The following GRIN2A variants were observed in gnomAD, a reference collection of about 807,000 sequenced individuals.
The protein encoded by GRIN2A is glutamate ionotropic receptor NMDA type subunit 2A.
GRIN2A carries 22 observed loss-of-function variants against 113.4 expected under a neutral mutation model. The observed-to-expected ratio is 0.19, with a 90% CI of 0.14 to 0.28. The LOEUF (loss-of-function observed/expected upper bound fraction) is 0.28. Ranked by LOEUF, GRIN2A falls within the 10% of genes least tolerant of loss-of-function variation. The pLI is 1.00. For missense variants in GRIN2A, 1,502 were observed against 1,887.0 expected, an observed-to-expected ratio of 0.80 and a Z score of 3.78; for synonymous variants, 827 against 738.4, an observed-to-expected ratio of 1.12 and a Z score of -1.94.
At chr16:9,850,336 A>G (rs1449306555) in intron 4 of GRIN2A, among the ~76,000 whole-genome samples, 6 of 152,096 alleles carry the variant, frequency 3.9e-5, no homozygotes, top group Non-Finnish European at 5.9e-5. Context: ...CCACTGTACC[A>G]CTTACTAGCT....
Position 9,762,755 on chromosome 16 carries a change from T to G in GRIN2A, c.*394A>C. On this transcript the variant is annotated 3_prime_UTR_variant, in exon 13 of 13. Transcript: ENST00000330684. ...GCTTATTCTGTATTAGAGAAACCAT[T>G]AGGCATTTCTGATGAGAAAATTACA... 1 of 387,948 alleles carries G rather than the reference T, an allele frequency of 2.6e-6. No individual in the cohort carries two copies. The highest frequency in any genetic ancestry group is 4.7e-6 in the Non-Finnish European group (1 of 211,434). 24.0% of individuals were successfully genotyped at this position (387,948 alleles called of 1,614,324 possible).
In GRIN2A at chr16:10,007,747, G is replaced by A. The variant is rs1275609131; in HGVS notation, c.415-69196C>T. Among the ~76,000 whole-genome samples, 3 of 152,120 alleles carry A rather than the reference G, an allele frequency of 2.0e-5. No homozygotes were observed. In the East Asian group the frequency reaches 5.8e-4, roughly 29 times the overall value. ...GGAAATAGAAAAGCAAATGGCCTTT[G>A]ACAGGAATGAACACATAGATGTAAG... On this transcript the variant is annotated intron_variant, in intron 2 of 12. Transcript: ENST00000330684.
intron 1 of GRIN2A, among the ~76,000 whole-genome samples, chr16:10,181,164 C>T (rs1567355632): frequency 8.8e-4 from 1 of 1,130 alleles, no homozygotes; most frequent in East Asian, 0.071. Context: ...CGTGGAGAGT[C>T]CTTCACCCCT....
intron 2 of GRIN2A, among the ~76,000 whole-genome samples, chr16:9,960,562 A>G (rs996125961): frequency 6.6e-6 from 1 of 152,214 alleles, no homozygotes; most frequent in African/African-American, 2.4e-5. Flanking sequence ...CAACCAGACT[A>G]TCTTTTATTA....
chr16:9,917,513 C>A (rs931496066), intron 3 of GRIN2A, among the ~76,000 whole-genome samples: 6 of 152,234 alleles, frequency 3.9e-5, no homozygotes, highest in Admixed American at 6.5e-5. Flanking sequence ...ATATCGCCTA[C>A]CTCACAGCTA....
chr16:10,055,233 T>G lies in GRIN2A; in HGVS notation c.415-116682A>C, dbSNP rs1395109506. On this transcript the variant is annotated intron_variant, in intron 2 of 12. Coordinates refer to ENST00000330684, the MANE Select transcript of GRIN2A (RefSeq NM_001134407.3). ...AAAAACACATTTATCAGCTTTAGGTTAGTGGTTTCCTCTGAGGAAGGAGAT... is the reference window on the plus strand; with the variant it reads ...AAAAACACATTTATCAGCTTTAGGTGAGTGGTTTCCTCTGAGGAAGGAGAT... Among the ~76,000 whole-genome samples the G allele has an allele frequency of 2.6e-5, 4 of 151,882 alleles. 1 individual carries two copies. In the East Asian group the frequency reaches 7.7e-4, roughly 29 times the overall value.
chr16:10,094,455 T>C (rs977958633), intron 2 of GRIN2A, among the ~76,000 whole-genome samples: 1 of 115,152 alleles, frequency 8.7e-6, no homozygotes, highest in African/African-American at 5.0e-5. Context: ...AAGAAAACAG[T>C]TTTTTTTTTT....
intron 2 of GRIN2A, among the ~76,000 whole-genome samples, chr16:9,983,726 A>T (rs1205395137): frequency 2.0e-5 from 3 of 152,196 alleles, no homozygotes; most frequent in African/African-American, 7.2e-5. Flanking sequence ...GGTGTGAGCC[A>T]CCGCGCCCAG....
intron 3 of GRIN2A, among the ~76,000 whole-genome samples, chr16:9,929,058 C>T (rs1441436158): frequency 6.6e-6 from 1 of 152,208 alleles, no homozygotes; most frequent in Non-Finnish European, 1.5e-5. Flanking sequence ...TACAGCGTAA[C>T]TCTTTCTCTC....
chr16:10,144,533 A>G (rs913960030), intron 2 of GRIN2A, among the ~76,000 whole-genome samples: 5 of 152,330 alleles, frequency 3.3e-5, no homozygotes, highest in African/African-American at 1.2e-4. Context: ...CTACTGAGTC[A>G]TAGGAATTTC....
intron 3 of GRIN2A, among the ~76,000 whole-genome samples, chr16:9,900,068 C>A (rs1248205660): frequency 6.6e-6 from 1 of 152,222 alleles, no homozygotes; most frequent in Non-Finnish European, 1.5e-5. Context: ...TAAAGGCCAG[C>A]AGAGTGCTTG....
At chr16:10,011,977 C>T (rs1024203968) in intron 2 of GRIN2A, among the ~76,000 whole-genome samples, 2 of 152,132 alleles carry the variant, frequency 1.3e-5, no homozygotes, top group Admixed American at 6.5e-5. Flanking sequence ...AAGAGGTCCT[C>T]AAAACTAATG....
At chr16:9,859,609 TACACACACACACAC>T (rs55697606) in intron 4 of GRIN2A, among the ~76,000 whole-genome samples, 10 of 141,142 alleles carry the variant, frequency 7.1e-5, no homozygotes, top group African/African-American at 1.6e-4. Context: ...CTCGAACCTC[TACACACACACACAC>T]ACACACACAC....
At chr16:9,831,673 G>A (rs952358838) in intron 8 of GRIN2A, among the ~76,000 whole-genome samples, 5 of 151,886 alleles carry the variant, frequency 3.3e-5, no homozygotes, top group African/African-American at 9.7e-5. Context: ...ATACCACCAC[G>A]CCCAGCTAAT....
At chr16:9,789,772 G>T (rs1429002660) in intron 11 of GRIN2A, among the ~76,000 whole-genome samples, 1 of 152,130 alleles carries the variant, frequency 6.6e-6, no homozygotes, top group Non-Finnish European at 1.5e-5. Context: ...TCATGCTAAT[G>T]ACATTGCAAT....
At chr16:10,075,343 A>G (rs1422951044) in intron 2 of GRIN2A, among the ~76,000 whole-genome samples, 1 of 152,096 alleles carries the variant, frequency 6.6e-6, no homozygotes, top group Non-Finnish European at 1.5e-5. Context: ...CCCGTATCAC[A>G]AAAAGATAAA....
intron 2 of GRIN2A, among the ~76,000 whole-genome samples, chr16:9,998,098 G>A (rs1478522343): frequency 6.6e-6 from 1 of 152,054 alleles, no homozygotes; most frequent in African/African-American, 2.4e-5. Flanking sequence ...ATAACTGTCT[G>A]TTTTTACCCA....
chr16:9,974,439 G>T (rs865909118), intron 2 of GRIN2A, among the ~76,000 whole-genome samples: 1 of 152,156 alleles, frequency 6.6e-6, no homozygotes, highest in Non-Finnish European at 1.5e-5. Context: ...GGTGCATGCA[G>T]CCCCCAGTCA....
At chr16:9,970,118 G>GA (rs1455118677) in intron 2 of GRIN2A, among the ~76,000 whole-genome samples, 4 of 152,168 alleles carry the variant, frequency 2.6e-5, no homozygotes, top group Non-Finnish European at 4.4e-5. Flanking sequence ...CCCTAATACA[G>GA]AAAAAAGCAG....
Sources: gnomAD v4.1 joint callset for allele counts (sites outside exome capture counted in the v4.1 genomes callset) on GRCh38, gnomAD v4.1.1 for gene constraint, MANE v1.5 for transcripts, NCBI Gene and HGNC (gene_info 2026-07-23, HGNC 2026-07-21) for gene names.